Variants in HUNK observed in about 807,000 individuals in gnomAD.
HUNK encodes hormonally up-regulated Neu-associated kinase.
Under a neutral mutation model 61.0 loss-of-function variants are expected in HUNK, and 21 were observed. The observed-to-expected ratio is 0.34, with a 90% CI of 0.24 to 0.50. The LOEUF (loss-of-function observed/expected upper bound fraction) is 0.50. Ranked by LOEUF, HUNK falls within the 20% of genes least tolerant of loss-of-function variation. The probability of loss-of-function intolerance (pLI) is 0.98; values close to 1 mark genes in which losing one functional copy is unlikely to be tolerated. For synonymous variants in HUNK, 371 were observed against 386.1 expected, an observed-to-expected ratio of 0.96 and a Z score of 0.46; for missense variants, 772 against 945.7, an observed-to-expected ratio of 0.82 and a Z score of 2.41.
At chr21:31,963,749 A>G (rs1411620775) in intron 5 of HUNK, among the ~76,000 whole-genome samples, 4 of 152,094 alleles carry the variant, frequency 2.6e-5, no homozygotes, top group Admixed American at 6.5e-5. Context: ...GGCTCAAGCA[A>G]TCCTCCTGCG....
At position 32,002,904 on chromosome 21, in the gene HUNK, G is replaced by A. The variant is rs527253744; in HGVS notation, c.*3720G>A. ...AGTCGGATTCCGGGGAAAAGAACAA[G>A]TATCTAGTTTTGATGACAATGTTTT... On this transcript the variant is annotated 3_prime_UTR_variant, in exon 11 of 11. Coordinates refer to ENST00000270112, the MANE Select transcript of HUNK (RefSeq NM_014586.2). The A allele has an allele frequency of 1.3e-5, 2 of 152,344 alleles. No homozygotes were observed. The highest frequency in any genetic ancestry group is 4.1e-4 in the South Asian group (2 of 4,830). The allele number at this position is 152,344 out of a possible 1,614,324, so 9.4% of individuals were successfully genotyped here.
At chr21:31,875,735 T>A (rs1488495854) in intron 1 of HUNK, among the ~76,000 whole-genome samples, 1 of 152,196 alleles carries the variant, frequency 6.6e-6, no homozygotes, top group East Asian at 1.9e-4. Flanking sequence ...GGATTCAGGC[T>A]GGTTGTGCAT....
chr21:31,901,030 A>T (rs1601367001), intron 1 of HUNK, among the ~76,000 whole-genome samples: 1 of 151,970 alleles, frequency 6.6e-6, no homozygotes. Flanking sequence ...CAGCCTTCCC[A>T]TGGCATTCTC....
chr21:31,987,361 A>G (rs1048958868), intron 8 of HUNK, among the ~76,000 whole-genome samples: 11 of 152,190 alleles, frequency 7.2e-5, no homozygotes, highest in African/African-American at 2.7e-4. Flanking sequence ...CATGTCACTC[A>G]TGAGGACCTC....
chr21:31,891,414 CT>C (rs1319902906), intron 1 of HUNK, among the ~76,000 whole-genome samples: 3 of 152,178 alleles, frequency 2.0e-5, no homozygotes, highest in African/African-American at 7.2e-5. Context: ...AGCTGGATTG[CT>C]TATAGCTTGG....
intron 2 of HUNK, among the ~76,000 whole-genome samples, chr21:31,932,644 A>G (rs1357164169): frequency 1.3e-5 from 2 of 152,024 alleles, no homozygotes; most frequent in African/African-American, 4.8e-5. Context: ...ACTTATCTCA[A>G]CATCTGGTCT....
At chr21:31,987,444 C>T (rs2053141724) in intron 8 of HUNK, among the ~76,000 whole-genome samples, 2 of 152,156 alleles carry the variant, frequency 1.3e-5, no homozygotes, top group Admixed American at 6.5e-5. Flanking sequence ...GCCAACTTGC[C>T]GATGCCCTGG....
intron 1 of HUNK, among the ~76,000 whole-genome samples, chr21:31,874,427 T>C (rs1047847906): frequency 6.6e-6 from 1 of 151,922 alleles, no homozygotes; most frequent in Non-Finnish European, 1.5e-5. Context: ...GGGAGAAGGC[T>C]GAGATCCTGC....
intron 2 of HUNK, among the ~76,000 whole-genome samples, chr21:31,926,747 G>T (rs975186327): frequency 2.0e-5 from 3 of 152,090 alleles, no homozygotes; most frequent in Non-Finnish European, 4.4e-5. Context: ...CATTTGAGTT[G>T]TTCCCACACT....
intron 1 of HUNK, among the ~76,000 whole-genome samples, chr21:31,880,264 C>T (rs760858295): frequency 5.3e-5 from 8 of 152,156 alleles, no homozygotes; most frequent in Non-Finnish European, 1.0e-4. Flanking sequence ...TAGAAGGGTG[C>T]CCTGAGTAGA....
chr21:31,884,774 CTTCT>C (rs2052334063), intron 1 of HUNK, among the ~76,000 whole-genome samples: 1 of 151,382 alleles, frequency 6.6e-6, no homozygotes, highest in Non-Finnish European at 1.5e-5. Flanking sequence ...AGACACGTCT[CTTCT>C]TTTTTTTTTC....
In HUNK at chr21:31,914,837, A is replaced by G. The variant is rs2123809173; in HGVS notation, c.262-9631A>G. On this transcript the variant is annotated intron_variant, in intron 1 of 10. Transcript: ENST00000270112. ...CTAATGACCTCATTTAACGTTAATA[A>G]CCTCTTTAAAGTCTCTCTCTTTAAA... Among the ~76,000 whole-genome samples, 8 of 152,140 alleles carry G rather than the reference A, an allele frequency of 5.3e-5. No individual in the cohort carries two copies. In the South Asian group the frequency reaches 1.7e-3, roughly 32 times the overall value.
chr21:31,963,571 C>T (rs1000663405), intron 5 of HUNK, among the ~76,000 whole-genome samples: 1 of 152,190 alleles, frequency 6.6e-6, no homozygotes, highest in African/African-American at 2.4e-5. Flanking sequence ...AATCATGGCT[C>T]ACTGCAGCCT....
chr21:31,946,065 C>G lies in HUNK; in HGVS notation c.640C>G (p.Leu214Val), dbSNP rs1445721814. 19 of 1,610,276 alleles carry G rather than the reference C, an allele frequency of 1.2e-5. No homozygotes were observed. The highest frequency in any genetic ancestry group is 2.7e-5 in the African/African-American group (2 of 74,846). ...TGGTTTGAGCAACTGCGCAGGGATC[C>G]TGGGTTACTCGGATCCGTTCAGCAC... is the stretch of plus-strand genomic sequence containing the variant. ...DFGLSNCAGI[L>V]GYSDPFSTQC... is the part of the protein sequence containing the mutation. The change falls in exon 4 of 11, where the codon CTG becomes GTG. Residue 214 changes from leucine (L) to valine (V), a missense_variant. Leu to Val is a conservative substitution (Grantham distance 32). Coordinates refer to ENST00000270112, the MANE Select transcript of HUNK (RefSeq NM_014586.2).
chr21:31,973,464 C>CT (rs1348847801), intron 6 of HUNK, among the ~76,000 whole-genome samples: 1 of 152,106 alleles, frequency 6.6e-6, no homozygotes, highest in East Asian at 1.9e-4. Flanking sequence ...TTGTATCACT[C>CT]TTAAGGGATT....
rs915894594 is a variant in HUNK, at chr21:31,937,387, C to T, written c.555-2778C>T. 3.9e-5 allele frequency among the ~76,000 whole-genome samples: 6 copies of T among 152,288 alleles called. No individual in the cohort carries two copies. The East Asian group carries it at 5.8e-4, about 15-fold the overall frequency. Reference sequence around the variant, plus strand: ...GCTTTAATAATAACTTCTAGAGATACGGCCTCTTGATTGTGAGAGTTTGAG... The same window carrying T: ...GCTTTAATAATAACTTCTAGAGATATGGCCTCTTGATTGTGAGAGTTTGAG... On this transcript the variant is annotated intron_variant, in intron 2 of 10. Coordinates refer to ENST00000270112, the MANE Select transcript of HUNK (RefSeq NM_014586.2).
intron 5 of HUNK, among the ~76,000 whole-genome samples, chr21:31,965,640 TAC>T (rs1240375877): frequency 6.7e-6 from 1 of 150,058 alleles, no homozygotes; most frequent in Admixed American, 6.6e-5. Context: ...CTCTCTCTCT[TAC>T]CCAGGCTGGA....
chr21:31,911,572 C>T (rs1188858957), intron 1 of HUNK, among the ~76,000 whole-genome samples: 1 of 152,090 alleles, frequency 6.6e-6, no homozygotes, highest in Admixed American at 6.6e-5. Flanking sequence ...CCTTTGGGAG[C>T]CACGGGGAGC....
chr21:31,925,901 G>T (rs950938222), intron 2 of HUNK, among the ~76,000 whole-genome samples: 12 of 151,220 alleles, frequency 7.9e-5, no homozygotes, highest in Non-Finnish European at 1.0e-4. Context: ...AATTACTCTG[G>T]GTTATTGAGA....
Sources: gnomAD v4.1 joint callset for allele counts (sites outside exome capture counted in the v4.1 genomes callset) on GRCh38, gnomAD v4.1.1 for gene constraint, MANE v1.5 for transcripts, NCBI Gene and HGNC (gene_info 2026-07-23, HGNC 2026-07-21) for gene names.